The following ANAPC4 variants were observed in gnomAD, a reference collection of about 807,000 sequenced individuals.
The protein encoded by ANAPC4 is anaphase-promoting complex subunit 4.
ANAPC4 carries 63 observed loss-of-function variants against 119.8 expected under a neutral mutation model. That is an observed-to-expected ratio of 0.53 (90% CI 0.43 to 0.65). The LOEUF (loss-of-function observed/expected upper bound fraction) is 0.65, where lower values mean the gene tolerates loss of function less well. ANAPC4 is among the 30% of genes least tolerant of loss of function. The probability of loss-of-function intolerance (pLI) is 0.00; values close to 1 mark genes in which losing one functional copy is unlikely to be tolerated. For missense variants in ANAPC4, 716 were observed against 945.1 expected, an observed-to-expected ratio of 0.76 and a Z score of 3.18; for synonymous variants, 283 against 318.6, an observed-to-expected ratio of 0.89 and a Z score of 1.19.
At chr4:25,396,816 AC>A (rs775866260) in intron 15 of ANAPC4, 31 bp from the exon 16 acceptor site, 1 of 1,609,034 alleles carries the variant, frequency 6.2e-7, no homozygotes, top group Admixed American at 1.7e-5. Flanking sequence ...TACTTATTTG[AC>A]AAATGACGTT....
intron 16 of ANAPC4, among the ~76,000 whole-genome samples, chr4:25,401,827 G>A (rs1278326659): frequency 6.6e-6 from 1 of 152,136 alleles, no homozygotes; most frequent in Non-Finnish European, 1.5e-5. Flanking sequence ...GTAGATGTGT[G>A]TGCTCAGAAG....
chr4:25,388,671 A>G lies in ANAPC4; in HGVS notation c.444-46A>G, dbSNP rs540255353. On this transcript the variant is annotated intron_variant, in intron 5 of 28. Transcript: ENST00000315368. ...TTTTCTCATGCGTTTTAAAATATGT[A>G]TTTTTACTAAGAGTATTTTTTACCT... The G allele has an allele frequency of 1.2e-4, 189 of 1,574,004 alleles. 2 individuals are homozygous for G. The Admixed American group carries it at 3.1e-3, about 26-fold the overall frequency.
intron 22 of ANAPC4, chr4:25,414,108 A>G: frequency 2.1e-6 from 1 of 478,918 alleles, no homozygotes; most frequent in East Asian, 3.4e-5. Context: ...AGGTGGTCTT[A>G]AACCTGCCAT....
intron 10 of ANAPC4, among the ~76,000 whole-genome samples, 183 bp downstream of exon 10, chr4:25,392,604 G>A (rs1172465280): frequency 2.0e-5 from 3 of 152,020 alleles, no homozygotes; most frequent in South Asian, 2.1e-4. Flanking sequence ...TACTTTCACC[G>A]CACCCTATTT....
chr4:25,377,834 C>G (rs1242048624), intron 2 of ANAPC4, among the ~76,000 whole-genome samples: 2 of 152,232 alleles, frequency 1.3e-5, no homozygotes, highest in African/African-American at 4.8e-5. Context: ...TCCTGCTTCC[C>G]CAAGTCTTCT....
intron 7 of ANAPC4, 90 bp from the exon 8 acceptor site, chr4:25,390,046 T>C: frequency 1.1e-6 from 1 of 887,356 alleles, no homozygotes; most frequent in Non-Finnish European, 1.8e-6. Flanking sequence ...GTAGATTATA[T>C]GAAAGCAGTA....
intron 4 of ANAPC4, among the ~76,000 whole-genome samples, chr4:25,386,461 C>T (rs780610782): frequency 4.6e-5 from 7 of 152,118 alleles, no homozygotes; most frequent in Non-Finnish European, 8.8e-5. Context: ...TTGCCCTCCT[C>T]GGCCTCCCAA....
Position 25,414,536 on chromosome 4 carries a change from A to C in ANAPC4, c.1724+32A>C, listed in dbSNP as rs374431637. 1.2e-4 allele frequency: 197 copies of C among 1,584,806 alleles called. No individual in the cohort carries two copies. In the African/African-American group the frequency reaches 2.5e-3, roughly 20 times the overall value. On this transcript the variant is annotated intron_variant, in intron 24 of 28. Coordinates refer to ENST00000315368, the MANE Select transcript of ANAPC4 (RefSeq NM_013367.3). Reference sequence around the variant, plus strand: ...ATATATTTCTTCCCTATCTTGAGTGAACAATACAATTTTGTTTTATCCATC... The same window carrying C: ...ATATATTTCTTCCCTATCTTGAGTGCACAATACAATTTTGTTTTATCCATC...
rs1722675366 is a variant in ANAPC4, at chr4:25,396,773, T to A, written c.1162+9T>A. On this transcript the variant is annotated intron_variant, in intron 15 of 28. Coordinates refer to ENST00000315368, the MANE Select transcript of ANAPC4 (RefSeq NM_013367.3). ...TGCTGCAGGAATCGAAGGTAGTGAT[T>A]TAATTTCTCAGTGAAATACATTAAA... 6.2e-7 allele frequency: 1 copy of A among 1,611,642 alleles called. No homozygotes were observed. Among genetic ancestry groups the A allele is most frequent in the Non-Finnish European group, 8.5e-7 (1 of 1,179,162 alleles).
chr4:25,395,899 T>C (rs1722621874), intron 14 of ANAPC4, among the ~76,000 whole-genome samples: 1 of 152,230 alleles, frequency 6.6e-6, no homozygotes, highest in Non-Finnish European at 1.5e-5. Context: ...CCAGTAGAGC[T>C]AAACATATTT....
chr4:25,385,376 A>C (rs545093031), intron 4 of ANAPC4, among the ~76,000 whole-genome samples: 29 of 152,350 alleles, frequency 1.9e-4, no homozygotes, highest in Non-Finnish European at 3.4e-4. Flanking sequence ...TTCTCCATTG[A>C]AAATCTGTTG....
At chr4:25,397,010 A>G (rs1722687413) in intron 16 of ANAPC4, 111 bp downstream of exon 16, 2 of 1,094,998 alleles carry the variant, frequency 1.8e-6, no homozygotes, top group Non-Finnish European at 1.3e-6. Flanking sequence ...TTAAATTTTT[A>G]TCACAATTAT....
intron 21 of ANAPC4, among the ~76,000 whole-genome samples, chr4:25,411,065 A>C (rs997430300): frequency 1.3e-5 from 2 of 152,214 alleles, no homozygotes; most frequent in Admixed American, 6.5e-5. Context: ...AACTTTGCAT[A>C]TAGTCCAAAT....
chr4:25,400,965 C>G (rs574561707), intron 16 of ANAPC4, among the ~76,000 whole-genome samples: 5 of 152,178 alleles, frequency 3.3e-5, no homozygotes, highest in African/African-American at 4.8e-5. Context: ...GAGTAAATGT[C>G]TAAGGTCGGG....
intron 27 of ANAPC4, chr4:25,417,368 AC>A: frequency 3.9e-6 from 1 of 257,458 alleles, no homozygotes; most frequent in East Asian, 7.6e-5. Context: ...CAATCCTCCC[AC>A]CTTGGCCTCG....
intron 12 of ANAPC4, 108 bp from the exon 13 acceptor site, chr4:25,394,563 A>G: frequency 7.9e-7 from 1 of 1,264,732 alleles, no homozygotes; most frequent in Non-Finnish European, 1.1e-6. Flanking sequence ...TTGTGGGGCT[A>G]TTTCTTTATT....
At chr4:25,408,794 C>A (rs1364799055) in intron 20 of ANAPC4, among the ~76,000 whole-genome samples, 9 of 152,086 alleles carry the variant, frequency 5.9e-5, no homozygotes, top group Non-Finnish European at 1.2e-4. Flanking sequence ...CCACCGTGCC[C>A]AGCCTATTTT....
chr4:25,381,150 A>G (rs1243952583), intron 3 of ANAPC4, among the ~76,000 whole-genome samples: 1 of 152,256 alleles, frequency 6.6e-6, no homozygotes, highest in East Asian at 1.9e-4. Context: ...GTACTTTAAG[A>G]AAAAAGTGAA....
intron 19 of ANAPC4, 87 bp downstream of exon 19, chr4:25,406,972 A>G: frequency 8.8e-7 from 1 of 1,133,714 alleles, no homozygotes; most frequent in African/African-American, 1.6e-5. Flanking sequence ...ATTTAACCCA[A>G]TTTAATTGAA....
Sources: gnomAD v4.1 joint callset for allele counts (sites outside exome capture counted in the v4.1 genomes callset) on GRCh38, gnomAD v4.1.1 for gene constraint, MANE v1.5 for transcripts, NCBI Gene and HGNC (gene_info 2026-07-23, HGNC 2026-07-21) for gene names.